PXDNL: variants seen among roughly 807,000 people sequenced by gnomAD.
The protein encoded by PXDNL is probable oxidoreductase PXDNL.
PXDNL carries 145 observed loss-of-function variants against 150.8 expected under a neutral mutation model. The ratio of observed to expected loss-of-function variants is 0.96; its 90% confidence interval spans 0.84 to 1.10. The LOEUF (loss-of-function observed/expected upper bound fraction) is 1.10, where lower values mean the gene tolerates loss of function less well. Ranked by LOEUF, PXDNL falls within the 50% of genes least tolerant of loss-of-function variation. The pLI is 0.00. For synonymous variants in PXDNL, 757 were observed against 725.7 expected (o/e 1.04, Z -0.69); for missense variants, 2,087 against 1,873.9 (o/e 1.11, Z -2.10).
rs1809011280 is a variant in PXDNL, at chr8:51,423,568, C to T, written c.1795+7G>A. ...TGGATGTTGTAAATGGAGCTATAGA[C>T]ACCTACCCGTGACTGTAAGAAACAT... On this transcript the variant is annotated splice_region_variant and intron_variant, in intron 14 of 22. Coordinates refer to ENST00000356297, the MANE Select transcript of PXDNL (RefSeq NM_144651.5). The T allele has an allele frequency of 1.2e-6, 2 of 1,612,290 alleles. No individual in the cohort carries two copies. The highest frequency in any genetic ancestry group is 1.7e-6 in the Non-Finnish European group (2 of 1,178,972).
chr8:51,362,517 G>A (rs191957105), intron 19 of PXDNL, among the ~76,000 whole-genome samples: 1 of 152,274 alleles, frequency 6.6e-6, no homozygotes, highest in East Asian at 1.9e-4. Context: ...TACATAACAA[G>A]TCAAACCTTT....
At chr8:51,718,990 C>A (rs571107941) in intron 1 of PXDNL, among the ~76,000 whole-genome samples, 1 of 151,386 alleles carries the variant, frequency 6.6e-6, no homozygotes, top group Non-Finnish European at 1.5e-5. Context: ...GGGAGGGAGG[C>A]GGGGGGCAGC....
chr8:51,784,711 G>A (rs2037445062), intron 1 of PXDNL, among the ~76,000 whole-genome samples: 1 of 149,358 alleles, frequency 6.7e-6, no homozygotes, highest in Admixed American at 6.9e-5. Flanking sequence ...CTTATTAGGA[G>A]GCACAGAAAT....
chr8:51,510,137 G>A (rs745394447), intron 4 of PXDNL, among the ~76,000 whole-genome samples: 7 of 152,110 alleles, frequency 4.6e-5, no homozygotes, highest in Non-Finnish European at 1.0e-4. Flanking sequence ...ATGAAATGTA[G>A]GGGGAGTATT....
Position 51,670,645 on chromosome 8 carries a change from A to G in PXDNL, c.165-15885T>C, listed in dbSNP as rs571220915. Among the ~76,000 whole-genome samples, 67 of 152,312 alleles carry G rather than the reference A, an allele frequency of 4.4e-4. 1 individual carries two copies. The South Asian group carries it at 0.013, about 29-fold the overall frequency. ...ACATCATTATGTGGCACATGACTGT[A>G]TCTCCAATTTTTTATTTATCATTTT... On this transcript the variant is annotated intron_variant, in intron 1 of 22. Transcript: ENST00000356297.
chr8:51,708,385 C>G (rs1660187153), intron 1 of PXDNL, among the ~76,000 whole-genome samples: 2 of 152,180 alleles, frequency 1.3e-5, no homozygotes, highest in South Asian at 2.1e-4. Flanking sequence ...CTACTGTAGG[C>G]TCTGCACAAT....
chr8:51,345,344 A>T (rs183708922), intron 20 of PXDNL, among the ~76,000 whole-genome samples: 80 of 152,306 alleles, frequency 5.3e-4, no homozygotes, highest in Admixed American at 5.2e-3. Context: ...GTCCTAAGGG[A>T]TTTCAAAGGA....
intron 1 of PXDNL, among the ~76,000 whole-genome samples, chr8:51,802,253 C>T (rs968467383): frequency 3.3e-5 from 5 of 151,522 alleles, no homozygotes; most frequent in African/African-American, 1.2e-4. Flanking sequence ...TTTACTACTC[C>T]GATGAAGAAT....
intron 6 of PXDNL, among the ~76,000 whole-genome samples, chr8:51,478,572 T>G (rs1409289064): frequency 6.6e-6 from 1 of 152,318 alleles, no homozygotes; most frequent in East Asian, 1.9e-4. Context: ...GTAGTTGTCA[T>G]GAGTTAGAAA....
At chr8:51,331,066 C>T (rs745584674) in intron 21 of PXDNL, among the ~76,000 whole-genome samples, 5 of 152,150 alleles carry the variant, frequency 3.3e-5, no homozygotes, top group Non-Finnish European at 5.9e-5. Flanking sequence ...CAAGAACAAA[C>T]CAGCAATCCC....
chr8:51,596,534 C>T (rs568089306), intron 2 of PXDNL, among the ~76,000 whole-genome samples: 3 of 152,246 alleles, frequency 2.0e-5, no homozygotes, highest in African/African-American at 7.2e-5. Flanking sequence ...TAAGCATTCC[C>T]TTTTCTCCAC....
chr8:51,707,201 A>G (rs1188041464), intron 1 of PXDNL, among the ~76,000 whole-genome samples: 1 of 152,178 alleles, frequency 6.6e-6, no homozygotes, highest in African/African-American at 2.4e-5. Flanking sequence ...CCAGTGGAAT[A>G]AATAATCCTT....
At chr8:51,485,961 T>G (rs79319948) in intron 5 of PXDNL, among the ~76,000 whole-genome samples, 2,089 of 152,322 alleles carry the variant, frequency 0.014, 19 homozygotes, top group Non-Finnish European at 0.02. Flanking sequence ...TATAGTAGAT[T>G]GCACTAAACC....
At position 51,654,764 on chromosome 8, in the gene PXDNL, G is replaced by C. The variant is rs751301466; in HGVS notation, c.165-4C>G. ...TATTCTGTTAAACCTCAAGTCTCTGGGAACATAAAAAGGTGAAGAACGATT... is the reference window on the plus strand; with the variant it reads ...TATTCTGTTAAACCTCAAGTCTCTGCGAACATAAAAAGGTGAAGAACGATT... On this transcript the variant is annotated splice_region_variant and splice_polypyrimidine_tract_variant and intron_variant, in intron 1 of 22. Coordinates refer to ENST00000356297, the MANE Select transcript of PXDNL (RefSeq NM_144651.5). 7 of 1,611,194 alleles carry C rather than the reference G, an allele frequency of 4.3e-6. No homozygotes were observed. Among genetic ancestry groups the C allele is most frequent in the Non-Finnish European group, 5.9e-6 (7 of 1,177,958 alleles).
chr8:51,798,572 A>T, intron 1 of PXDNL, among the ~76,000 whole-genome samples: 1 of 152,238 alleles, frequency 6.6e-6, no homozygotes, highest in East Asian at 1.9e-4. Context: ...CAGTCAACAA[A>T]CATATGAAAA....
rs895375648 is a variant in PXDNL, at chr8:51,460,441, A to T, written c.813-2774T>A. On this transcript the variant is annotated intron_variant, in intron 8 of 22. Coordinates refer to ENST00000356297, the MANE Select transcript of PXDNL (RefSeq NM_144651.5). ...ATTATGAAAAGTGTGGAAGACAGCCAACTAGATGCAGCCAGGAAGCCCTTC... is the reference window on the plus strand; with the variant it reads ...ATTATGAAAAGTGTGGAAGACAGCCTACTAGATGCAGCCAGGAAGCCCTTC... 2.2e-5 allele frequency among the ~76,000 whole-genome samples: 3 copies of T among 138,496 alleles called. No individual in the cohort carries two copies. In the Admixed American group the frequency reaches 2.2e-4, roughly 10 times the overall value. 90.9% of individuals were successfully genotyped at this position (138,496 alleles called of 152,430 possible). A position where few individuals can be genotyped will look rare whatever the true frequency, so the allele number is the denominator to read the frequency against.
At chr8:51,724,805 C>CT (rs1816794427) in intron 1 of PXDNL, among the ~76,000 whole-genome samples, 1 of 152,114 alleles carries the variant, frequency 6.6e-6, no homozygotes. Context: ...CTGCCCTGTC[C>CT]TTGTGAGTGC....
In PXDNL at chr8:51,744,073, GGAAGGAAGGAAGGAAGGAAGGAAA is replaced by G. The variant is rs1189303569; in HGVS notation, c.164+65084_164+65107del. The stretch of plus-strand genomic sequence containing the variant: ...AGGAAGGAAGGAAGGAAGGAAGGAA[GGAAGGAAGGAAGGAAGGAAGGAAA>G]GAAAGAAAGAAAGAAAGAAAGAAAG... On this transcript the variant is annotated intron_variant, in intron 1 of 22. Transcript: ENST00000356297. 5.7e-4 allele frequency among the ~76,000 whole-genome samples: 31 copies of G among 54,264 alleles called. 1 individual carries two copies. The highest frequency in any genetic ancestry group is 2.7e-3 in the African/African-American group (31 of 11,358). 35.6% of individuals were successfully genotyped at this position (54,264 alleles called of 152,430 possible).
chr8:51,482,549 G>A (rs538279857), intron 6 of PXDNL, among the ~76,000 whole-genome samples: 2 of 152,144 alleles, frequency 1.3e-5, no homozygotes, highest in Non-Finnish European at 1.5e-5. Flanking sequence ...GCCAGGGGCG[G>A]AATGATATGG....
Sources: gnomAD v4.1 joint callset for allele counts (sites outside exome capture counted in the v4.1 genomes callset) on GRCh38, gnomAD v4.1.1 for gene constraint, MANE v1.5 for transcripts, NCBI Gene and HGNC (gene_info 2026-07-23, HGNC 2026-07-21) for gene names.